TOX3: variants seen among roughly 807,000 people sequenced by gnomAD.
TOX3 encodes the protein TOX high mobility group box family member 3, also known as CAG trinucleotide repeat-containing gene F9 protein.
A neutral mutation model predicts 64.3 loss-of-function variants in TOX3; 22 were observed. The observed-to-expected ratio is 0.34, with a 90% confidence interval of 0.24 to 0.49. The LOEUF (loss-of-function observed/expected upper bound fraction) is 0.49, where lower values mean the gene tolerates loss of function less well. Ranked by LOEUF, TOX3 falls within the 20% of genes least tolerant of loss-of-function variation. The probability of loss-of-function intolerance (pLI) is 0.99; values close to 1 mark genes in which losing one functional copy is unlikely to be tolerated. For synonymous variants in TOX3, 291 were observed against 273.6 expected (o/e 1.06, Z -0.63); for missense variants, 661 against 714.4 (o/e 0.93, Z 0.85).
At position 52,546,951 on chromosome 16, in the gene TOX3, C is replaced by T. The variant is rs1224876978; in HGVS notation, c.-228G>A. The T allele has an allele frequency of 7.1e-6, 7 of 984,926 alleles. No individual in the cohort carries two copies. Among genetic ancestry groups the T allele is most frequent in the Non-Finnish European group, 8.4e-6 (7 of 831,512 alleles). The allele number at this position is 984,926 out of a possible 1,614,324, so 61.0% of individuals were successfully genotyped here. Reference sequence around the variant, plus strand: ...GGAGAGCGGGAGGCGGCCGGGGGGACGCGCCCCGCCGGGGCACCGAGGCAG... The same window carrying T: ...GGAGAGCGGGAGGCGGCCGGGGGGATGCGCCCCGCCGGGGCACCGAGGCAG... On this transcript the variant is annotated 5_prime_UTR_variant, in exon 1 of 7. Coordinates refer to ENST00000219746, the MANE Select transcript of TOX3 (RefSeq NM_001080430.4).
At chr16:52,502,862 G>A (rs984129951) in intron 1 of TOX3, among the ~76,000 whole-genome samples, 2 of 152,042 alleles carry the variant, frequency 1.3e-5, no homozygotes, top group Admixed American at 1.3e-4. Context: ...ACTTTAAATT[G>A]GGGTCAAAAA....
Position 52,495,520 on chromosome 16 carries a change from T to C in TOX3, c.88-26946A>G, listed in dbSNP as rs142921185. Among the ~76,000 whole-genome samples the C allele has an allele frequency of 3.3e-5, 5 of 152,302 alleles. No homozygotes were observed. In the East Asian group the frequency reaches 7.7e-4, roughly 24 times the overall value. ...ACATTTCACCTTGATCATAACCCTA[T>C]TGGGGGAGTATTACTTTCTCCTCTG... is the stretch of plus-strand genomic sequence containing the variant. On this transcript the variant is annotated intron_variant, in intron 1 of 6. Coordinates refer to ENST00000219746, the MANE Select transcript of TOX3 (RefSeq NM_001080430.4).
Position 52,510,564 on chromosome 16 carries a change from T to A in TOX3, c.87+36073A>T, listed in dbSNP as rs188890766. On this transcript the variant is annotated intron_variant, in intron 1 of 6. Transcript: ENST00000219746. ...TGAGGTCAGAAGTTTGAGACCAGCC[T>A]GGCCAACATGGTGAAATCCCATCTC... Among the ~76,000 whole-genome samples, 26 of 152,130 alleles carry A rather than the reference T, an allele frequency of 1.7e-4. 1 individual carries two copies. The East Asian group carries it at 2.5e-3, about 15-fold the overall frequency.
Position 52,438,895 on chromosome 16 carries a change from G to C in TOX3, c.*330C>G, listed in dbSNP as rs72805466. On this transcript the variant is annotated 3_prime_UTR_variant, in exon 7 of 7. Coordinates refer to ENST00000219746, the MANE Select transcript of TOX3 (RefSeq NM_001080430.4). ...TAAGGCCATTTTTCTATGACTCAGA[G>C]AGGCCAGTTTATAGTCATCAGTATG... 1 of 534,368 alleles carries C rather than the reference G, an allele frequency of 1.9e-6. No individual in the cohort carries two copies. The highest frequency in any genetic ancestry group is 3.7e-6 in the Non-Finnish European group (1 of 271,210). The allele number at this position is 534,368 out of a possible 1,614,324, so 33.1% of individuals were successfully genotyped here.
chr16:52,450,486 T>C lies in TOX3; in HGVS notation c.469A>G (p.Ile157Val). ...CGCGCAGCATCGGTCATGTGGACGA[T>C]GGACCGCATGATCAGGGAGGGATCC... is the stretch of plus-strand genomic sequence containing the variant. ...RQDPSLIMRS[I>V]VHMTDAARSG... The change falls in exon 4 of 7, where the codon ATC (isoleucine) becomes GTC (valine). Residue 157 changes from isoleucine to valine, a missense_variant. This residue lies in a region of TOX3 where 259 missense variants were observed against 261.2 expected (regional missense o/e 0.99). Coordinates refer to ENST00000219746, the MANE Select transcript of TOX3 (RefSeq NM_001080430.4). The C allele has an allele frequency of 1.2e-6, 2 of 1,614,020 alleles. No homozygotes were observed. The highest frequency in any genetic ancestry group is 1.1e-5 in the South Asian group (1 of 91,090).
intron 1 of TOX3, among the ~76,000 whole-genome samples, chr16:52,471,026 C>G (rs1259978912): frequency 6.6e-6 from 1 of 152,102 alleles, no homozygotes; most frequent in Non-Finnish European, 1.5e-5. Flanking sequence ...TGCATAGGTA[C>G]CTGGGACCCT....
At chr16:52,485,642 C>G (rs1353076499) in intron 1 of TOX3, among the ~76,000 whole-genome samples, 6 of 151,828 alleles carry the variant, frequency 4.0e-5, no homozygotes, top group Non-Finnish European at 8.8e-5. Flanking sequence ...CCCCCTGAAT[C>G]TAAAATAAAA....
intron 1 of TOX3, among the ~76,000 whole-genome samples, chr16:52,504,484 A>G (rs1045442178): frequency 1.3e-5 from 2 of 151,398 alleles, no homozygotes; most frequent in Non-Finnish European, 2.9e-5. Flanking sequence ...AAAAAAAAAA[A>G]GAAGTTCACA....
chr16:52,475,188 G>A (rs1046117003), intron 1 of TOX3, among the ~76,000 whole-genome samples: 2 of 152,058 alleles, frequency 1.3e-5, no homozygotes, highest in Non-Finnish European at 2.9e-5. Flanking sequence ...CCTCCCACTA[G>A]AATATAAATT....
intron 1 of TOX3, among the ~76,000 whole-genome samples, chr16:52,531,216 A>G (rs1022784875): frequency 1.3e-5 from 2 of 152,214 alleles, no homozygotes; most frequent in Admixed American, 1.3e-4. Flanking sequence ...AGTCACATGG[A>G]CAATAGCTAT....
intron 1 of TOX3, among the ~76,000 whole-genome samples, chr16:52,483,282 G>A (rs1961415203): frequency 6.6e-6 from 1 of 152,138 alleles, no homozygotes; most frequent in Non-Finnish European, 1.5e-5. Context: ...CATATCAAAG[G>A]AAAGCTCTAG....
At position 52,439,691 on chromosome 16, in the gene TOX3, G is replaced by T. The variant is rs752368834; in HGVS notation, c.1265C>A (p.Thr422Asn). The stretch of plus-strand genomic sequence containing the variant: ...GGTGGAGGGTGCTGAGCCAACCATG[G>T]TCGTTCCCATGGAGCTTATCAGTGG... Reference protein sequence around the residue: ...GAPLISSMGTTMVGSAPSTQV... With the variant: ...GAPLISSMGTNMVGSAPSTQV... The change falls in exon 7 of 7, where the codon ACC becomes AAC. Residue 422 changes from threonine to asparagine, a missense_variant. By Grantham distance (65) the Thr-to-Asn change is moderately conservative. Transcript: ENST00000219746. 1 of 1,613,964 alleles carries T rather than the reference G, an allele frequency of 6.2e-7. No homozygotes were observed. Among genetic ancestry groups the T allele is most frequent in the Non-Finnish European group, 8.5e-7 (1 of 1,179,840 alleles).
intron 1 of TOX3, among the ~76,000 whole-genome samples, chr16:52,530,757 T>C (rs45461091): frequency 0.16 from 24,486 of 151,990 alleles, 2,284 homozygotes; most frequent in Middle Eastern, 0.26. Flanking sequence ...CTCCCATCCA[T>C]TGCATTCTTC....
intron 1 of TOX3, among the ~76,000 whole-genome samples, chr16:52,497,689 CA>C (rs1463922890): frequency 3.3e-5 from 5 of 152,030 alleles, no homozygotes; most frequent in African/African-American, 1.2e-4. Flanking sequence ...GTTTATTCCA[CA>C]GTACAAAATA....
At chr16:52,480,855 C>A (rs1340696465) in intron 1 of TOX3, among the ~76,000 whole-genome samples, 1 of 152,106 alleles carries the variant, frequency 6.6e-6, no homozygotes, top group Admixed American at 6.5e-5. Context: ...TATAAACAGA[C>A]AGGTATAAAC....
intron 1 of TOX3, among the ~76,000 whole-genome samples, chr16:52,477,262 G>A (rs1404845769): frequency 6.6e-6 from 1 of 152,198 alleles, no homozygotes; most frequent in Non-Finnish European, 1.5e-5. Context: ...AAAGCTGGAG[G>A]AGATGGTAGA....
At chr16:52,511,753 G>A (rs1249784519) in intron 1 of TOX3, among the ~76,000 whole-genome samples, 1 of 152,168 alleles carries the variant, frequency 6.6e-6, no homozygotes, top group Admixed American at 6.5e-5. Context: ...AAAGATGGCA[G>A]CAATAGTTTG....
At chr16:52,442,270 C>G (rs919454677) in intron 6 of TOX3, among the ~76,000 whole-genome samples, 8 of 152,162 alleles carry the variant, frequency 5.3e-5, no homozygotes, top group African/African-American at 1.9e-4. Context: ...GTCTGAGGCT[C>G]TGCGTGCAGA....
intron 2 of TOX3, among the ~76,000 whole-genome samples, chr16:52,465,401 T>C (rs567325246): frequency 2.0e-5 from 3 of 150,970 alleles, no homozygotes; most frequent in Non-Finnish European, 4.4e-5. Context: ...TAACCATTTT[T>C]GGGGGGATTT....
Sources: allele counts gnomAD v4.1 joint callset (sites outside exome capture counted in the v4.1 genomes callset), GRCh38; gene constraint gnomAD v4.1.1; regional missense constraint gnomAD v4.1.1; transcripts MANE v1.5; gene names NCBI Gene and HGNC (gene_info 2026-07-23, HGNC 2026-07-21).